CSPP1: variants seen among roughly 807,000 people sequenced by gnomAD.
The protein encoded by CSPP1 is centrosome and spindle pole associated protein 1, also known as centrosome and spindle pole-associated protein 1.
In CSPP1, 126 loss-of-function variants were observed where a neutral mutation model predicts 164.4. That is an observed-to-expected ratio of 0.77 (90% CI 0.66 to 0.89). CSPP1 has a LOEUF of 0.89. Among genes scored for constraint, CSPP1 ranks in the 40% least tolerant of loss-of-function variants. The pLI is 0.00. For missense variants in CSPP1, 1,395 were observed against 1,449.8 expected (o/e 0.96, Z 0.61); for synonymous variants, 472 against 476.7 (o/e 0.99, Z 0.13).
At chr8:67,131,906 T>G in intron 15 of CSPP1, 45 bp from the exon 16 acceptor site, 3 of 1,517,226 alleles carry the variant, frequency 2.0e-6, no homozygotes, top group Non-Finnish European at 2.7e-6. Context: ...TTCTTCTTGC[T>G]TTGTCGTCAA....
At chr8:67,189,503 C>A (rs909332320) in intron 28 of CSPP1, among the ~76,000 whole-genome samples, 2 of 152,066 alleles carry the variant, frequency 1.3e-5, no homozygotes, top group African/African-American at 4.8e-5. Context: ...TATAGAAAGC[C>A]CCATATCTTA....
At chr8:67,153,938 A>G in intron 18 of CSPP1, 86 bp from the exon 19 acceptor site, 1 of 604,650 alleles carries the variant, frequency 1.7e-6, no homozygotes. Flanking sequence ...TTAAAAATGA[A>G]TTTATTAGCA....
chr8:67,153,946 G>A (rs1279990166), intron 18 of CSPP1, 78 bp from the exon 19 acceptor site: 5 of 608,276 alleles, frequency 8.2e-6, no homozygotes, highest in Non-Finnish European at 1.5e-5. Flanking sequence ...GAATTTATTA[G>A]CAAACTGTTC....
At chr8:67,088,914 A>ATAT in intron 4 of CSPP1, among the ~76,000 whole-genome samples, 1 of 151,378 alleles carries the variant, frequency 6.6e-6, no homozygotes, top group Admixed American at 6.6e-5. Context: ...AAAAAAAAGA[A>ATAT]TATAGTCTTG....
chr8:67,087,392 A>G (rs1478664284), intron 4 of CSPP1, among the ~76,000 whole-genome samples: 2 of 152,226 alleles, frequency 1.3e-5, no homozygotes, highest in Non-Finnish European at 2.9e-5. Context: ...AACACTTATT[A>G]TGAAGATATA....
At position 67,189,639 on chromosome 8, in the gene CSPP1, G is replaced by T. The variant is rs551077864; in HGVS notation, c.3221-1011G>T. ...TTAAATTTTCTGAATGTTATAATTA[G>T]ATTTTTGCAGTGTAGGAGCCAGTCC... On this transcript the variant is annotated intron_variant, in intron 28 of 30. Coordinates refer to ENST00000678616, the MANE Select transcript of CSPP1 (RefSeq NM_001382391.1). Among the ~76,000 whole-genome samples the T allele has an allele frequency of 2.0e-5, 3 of 152,094 alleles. No individual in the cohort carries two copies. The South Asian group carries it at 6.2e-4, about 32-fold the overall frequency.
At chr8:67,108,440 G>A (rs1295992479) in intron 9 of CSPP1, among the ~76,000 whole-genome samples, 2 of 151,252 alleles carry the variant, frequency 1.3e-5, no homozygotes, top group Admixed American at 6.6e-5. Context: ...TTGGTTCATC[G>A]TATGTTCATG....
chr8:67,138,506 T>C (rs1822822283), intron 17 of CSPP1, among the ~76,000 whole-genome samples: 1 of 152,194 alleles, frequency 6.6e-6, no homozygotes, highest in African/African-American at 2.4e-5. Context: ...TGTTTTTGAA[T>C]TGTGGTTGAT....
At chr8:67,174,370 T>G (rs536979677) in intron 25 of CSPP1, 2 of 152,318 alleles carry the variant, frequency 1.3e-5, no homozygotes, top group South Asian at 4.1e-4. Flanking sequence ...TTAGGATCAT[T>G]TCTTTATATT....
chr8:67,105,596 C>A (rs986737509), intron 8 of CSPP1, among the ~76,000 whole-genome samples: 1 of 152,024 alleles, frequency 6.6e-6, no homozygotes, highest in African/African-American at 2.4e-5. Flanking sequence ...ATTGGCCAGG[C>A]TGGTTTCCAA....
Position 67,105,891 on chromosome 8 carries a change from C to T in CSPP1, c.1023-14C>T. 6.8e-7 allele frequency: 1 copy of T among 1,463,462 alleles called. No homozygotes were observed. Among genetic ancestry groups the T allele is most frequent in the Non-Finnish European group, 9.6e-7 (1 of 1,045,734 alleles). 90.7% of individuals were successfully genotyped at this position (1,463,462 alleles called of 1,614,324 possible). A position where few individuals can be genotyped will look rare whatever the true frequency, so the allele number is the denominator to read the frequency against. On this transcript the variant is annotated splice_polypyrimidine_tract_variant and intron_variant, in intron 8 of 30. Coordinates refer to ENST00000678616, the MANE Select transcript of CSPP1 (RefSeq NM_001382391.1). ...ATTTTAATTTACTCTTTTTCTCTGT[C>T]TTTTTTTCTTTAGTGCTCCAGACAA... is the stretch of plus-strand genomic sequence containing the variant.
chr8:67,137,420 T>C (rs1260953898), intron 16 of CSPP1, 36 bp from the exon 17 acceptor site: 2 of 1,344,638 alleles, frequency 1.5e-6, no homozygotes, highest in African/African-American at 1.5e-5. Context: ...AGAATACTTG[T>C]CAGCGTTTAT....
chr8:67,139,632 G>T (rs1217134587), intron 17 of CSPP1, among the ~76,000 whole-genome samples: 2 of 152,192 alleles, frequency 1.3e-5, no homozygotes, highest in East Asian at 1.9e-4. Flanking sequence ...AGAAAATGTG[G>T]CACATATACA....
At position 67,095,324 on chromosome 8, in the gene CSPP1, G is replaced by C; in HGVS notation, c.515G>C (p.Gly172Ala). Residue 172 changes from glycine (G) to alanine (A), a missense_variant, in exon 7 of 31, where the codon GGT (glycine) becomes GCT (alanine). By Grantham distance (60) the Gly-to-Ala change is moderately conservative. Transcript: ENST00000678616. ...AGTCAGAGAAATAAAAAACCTATTGGTCAAGTTAAGCCTGATCTAACTTCA... is the reference window on the plus strand; with the variant it reads ...AGTCAGAGAAATAAAAAACCTATTGCTCAAGTTAAGCCTGATCTAACTTCA... ...PKSQRNKKPI[G>A]QVKPDLTSQI... The C allele has an allele frequency of 6.3e-7, 1 of 1,574,928 alleles. No individual in the cohort carries two copies. The highest frequency in any genetic ancestry group is 8.6e-7 in the Non-Finnish European group (1 of 1,168,716).
At chr8:67,076,141 T>C (rs2129541598) in intron 2 of CSPP1, among the ~76,000 whole-genome samples, 1 of 152,122 alleles carries the variant, frequency 6.6e-6, no homozygotes, top group South Asian at 2.1e-4. Context: ...CATAATCTAA[T>C]CATGTGTTGA....
chr8:67,108,700 A>C (rs1816176823), intron 9 of CSPP1, among the ~76,000 whole-genome samples: 1 of 152,152 alleles, frequency 6.6e-6, no homozygotes. Context: ...GGTCCTGTGC[A>C]TCTGGGCCTC....
rs11296619 is a variant in CSPP1 at position 67,149,947 on chromosome 8, CTTTT to C, written c.2128+33_2128+36del. 30,425 of 1,108,126 alleles carry C rather than the reference CTTTT, an allele frequency of 0.027. No homozygotes were observed. The highest frequency in any genetic ancestry group is 0.048 in the South Asian group (2,150 of 44,614). 68.6% of individuals were successfully genotyped at this position (1,108,126 alleles called of 1,614,324 possible). On this transcript the variant is annotated intron_variant, in intron 18 of 30. Coordinates refer to ENST00000678616, the MANE Select transcript of CSPP1 (RefSeq NM_001382391.1). ...AAATAAAAGCTCAGGTTTTTAATCA[CTTTT>C]TTTTTTTTTTTTTTTTTTTTACATT...
Position 67,132,017 on chromosome 8 carries a change from T to C in CSPP1, c.1764T>C (p.Phe588=). ...AAGTGATAAATTCAGGATTGATTTT[T>C]GAAGATAAACCGAAACCTTCCAAAC... ...SDQVINSGLI[F]EDKPKPSKQS... Residue 588 remains phenylalanine, a synonymous_variant, in exon 16 of 31, where the codon TTT becomes TTC. Transcript: ENST00000678616. The C allele has an allele frequency of 3.7e-6, 6 of 1,613,918 alleles. No individual in the cohort carries two copies. The highest frequency in any genetic ancestry group is 5.1e-6 in the Non-Finnish European group (6 of 1,179,868).
chr8:67,118,270 C>T lies in CSPP1; in HGVS notation c.1519C>T (p.Pro507Ser). 1 of 1,613,658 alleles carries T rather than the reference C, an allele frequency of 6.2e-7. No homozygotes were observed. Among genetic ancestry groups the T allele is most frequent in the Non-Finnish European group, 8.5e-7 (1 of 1,179,658 alleles). The part of the protein sequence containing the change: ...SPRIAPLPPP[P>S]LLPPLATNYR... Reference sequence around the variant, plus strand: ...CAGGATTGCACCTCTGCCTCCACCTCCCCTACTACCACCTTTGGCTACTAA... The same window carrying T: ...CAGGATTGCACCTCTGCCTCCACCTTCCCTACTACCACCTTTGGCTACTAA... Residue 507 changes from proline to serine, a missense_variant, in exon 14 of 31, where the codon CCC (proline) becomes TCC (serine). Pro to Ser is a moderately conservative substitution (Grantham distance 74). Transcript: ENST00000678616.
Sources: allele counts gnomAD v4.1 joint callset (sites outside exome capture counted in the v4.1 genomes callset), GRCh38; gene constraint gnomAD v4.1.1; transcripts MANE v1.5; gene names NCBI Gene and HGNC (gene_info 2026-07-23, HGNC 2026-07-21).